STAC2: variants seen among roughly 807,000 people sequenced by gnomAD.
STAC2 encodes the protein SH3 and cysteine-rich domain-containing protein 2.
STAC2 carries 36 observed loss-of-function variants against 49.0 expected under a neutral mutation model. The observed-to-expected ratio is 0.74, with a 90% CI of 0.56 to 0.97. STAC2 has a LOEUF of 0.97. Among genes scored for constraint, STAC2 ranks in the 50% least tolerant of loss-of-function variants. STAC2 has a pLI of 0.00. For missense variants in STAC2, 527 were observed against 543.8 expected, an observed-to-expected ratio of 0.97 and a Z score of 0.31; for synonymous variants, 239 against 214.7, an observed-to-expected ratio of 1.11 and a Z score of -0.99.
intron 1 of STAC2, among the ~76,000 whole-genome samples, chr17:39,219,437 CTCCTCTGGTG>C (rs754070720): frequency 7.2e-5 from 11 of 152,216 alleles, no homozygotes; most frequent in Non-Finnish European, 1.6e-4. Context: ...GACCCACTCC[CTCCTCTGGTG>C]TCCACTGCAT....
chr17:39,225,545 A>G lies in STAC2; in HGVS notation c.-43T>C, dbSNP rs1369406148. The G allele has an allele frequency of 1.9e-6, 3 of 1,585,988 alleles. No homozygotes were observed. Among genetic ancestry groups the G allele is most frequent in the Non-Finnish European group, 2.6e-6 (3 of 1,161,340 alleles). On this transcript the variant is annotated 5_prime_UTR_variant, in exon 1 of 11. Transcript: ENST00000333461. This position sits in a 1 kb window ranked among gnomAD's most constrained non-coding sequence, Gnocchi z 8.2. ...GGAGAGGGTGCCGAGATCCGACGGCAGGCCCACCGCGGGCAGGCTGCGGGT... is the reference window on the plus strand; with the variant it reads ...GGAGAGGGTGCCGAGATCCGACGGCGGGCCCACCGCGGGCAGGCTGCGGGT...
At position 39,212,138 on chromosome 17, in the gene STAC2, A is replaced by C. The variant is rs1597729510; in HGVS notation, c.*154T>G. On this transcript the variant is annotated 3_prime_UTR_variant, in exon 11 of 11. Coordinates refer to ENST00000333461, the MANE Select transcript of STAC2 (RefSeq NM_198993.5). Reference sequence around the variant, plus strand: ...CCACCCAAGAAATAAAATCTTCCCCAGTACAAAAGGCTCCTAAGCCACGGT... The same window carrying C: ...CCACCCAAGAAATAAAATCTTCCCCCGTACAAAAGGCTCCTAAGCCACGGT... 1 of 233,238 alleles carries C rather than the reference A, an allele frequency of 4.3e-6. No homozygotes were observed. Among genetic ancestry groups the C allele is most frequent in the Non-Finnish European group, 8.3e-6 (1 of 120,128 alleles). The allele number at this position is 233,238 out of a possible 1,614,324, so 14.4% of individuals were successfully genotyped here. A position where few individuals can be genotyped will look rare whatever the true frequency, so the allele number is the denominator to read the frequency against.
At chr17:39,222,972 G>T (rs775692734) in intron 1 of STAC2, among the ~76,000 whole-genome samples, 7 of 152,204 alleles carry the variant, frequency 4.6e-5, no homozygotes, top group Non-Finnish European at 8.8e-5. Context: ...TGGCAACAAA[G>T]GGTGATGGGC....
rs16547 is a variant in STAC2, at chr17:39,212,322, C to T, written c.1206G>A (p.Leu402=). 6.3e-3 allele frequency: 10,082 copies of T among 1,612,030 alleles called. 472 individuals carry two copies. In the African/African-American group the frequency reaches 0.11, roughly 17 times the overall value. The change falls in exon 11 of 11, where the codon CTG becomes CTA. Residue 402 remains leucine (L), a synonymous_variant. Transcript: ENST00000333461. The part of the protein sequence containing the change: ...IRVSSGKKRG[L]VPVDALTEI ...TCTCAGTCAGGGCGTCGACTGGCAC[C>T]AGGCCCCGCTTCTTGCCACTGCTGA...
rs898460801 is a variant in STAC2, at chr17:39,210,647, G to C, written c.*1645C>G. ...TTGGGCCCGCCCCTGGGATATTGCT[G>C]GGGGGGGGGGCCTCATGGCAGCAAA... On this transcript the variant is annotated 3_prime_UTR_variant, in exon 11 of 11. Transcript: ENST00000333461. 1.6e-5 allele frequency: 1 copy of C among 62,364 alleles called. No individual in the cohort carries two copies. Among genetic ancestry groups the C allele is most frequent in the Non-Finnish European group, 4.1e-5 (1 of 24,236 alleles). 3.9% of individuals were successfully genotyped at this position (62,364 alleles called of 1,614,324 possible).
intron 1 of STAC2, among the ~76,000 whole-genome samples, chr17:39,219,589 A>G (rs2046441701): frequency 6.6e-6 from 1 of 152,104 alleles, no homozygotes; most frequent in South Asian, 2.1e-4. Flanking sequence ...CTCTCAACAC[A>G]TAGTAGGTGC....
In STAC2 at chr17:39,225,070, G is replaced by T. The variant is rs1329216750; in HGVS notation, c.90+343C>A. On this transcript the variant is annotated intron_variant, in intron 1 of 10. Coordinates refer to ENST00000333461, the MANE Select transcript of STAC2 (RefSeq NM_198993.5). This position sits in a 1 kb window ranked among gnomAD's most constrained non-coding sequence, Gnocchi z 8.2. Reference sequence around the variant, plus strand: ...AGCCCGGGACTGGGACCCGGCGGCCGCTGGAGGGTGCGCCTCGCACGCACA... The same window carrying T: ...AGCCCGGGACTGGGACCCGGCGGCCTCTGGAGGGTGCGCCTCGCACGCACA... Among the ~76,000 whole-genome samples, 1 of 152,076 alleles carries T rather than the reference G, an allele frequency of 6.6e-6. No individual in the cohort carries two copies. Among genetic ancestry groups the T allele is most frequent in the Non-Finnish European group, 1.5e-5 (1 of 67,992 alleles).
chr17:39,214,978 T>A lies in STAC2; in HGVS notation c.745A>T (p.Ser249Cys). 6.2e-7 allele frequency: 1 copy of A among 1,614,082 alleles called. No homozygotes were observed. Among genetic ancestry groups the A allele is most frequent in the South Asian group, 1.1e-5 (1 of 91,078 alleles). ...CTGTCACCAGGCCCCTCCTCAGAGC[T>A]GCGGATGCTGCCTTCCCCATCCTCG... is the stretch of plus-strand genomic sequence containing the variant. The part of the protein sequence containing the change: ...LTEDGEGSIR[S>C]SEEGPGDSAS... Residue 249 changes from serine to cysteine, a missense_variant, in exon 6 of 11, where the codon AGC becomes TGC. Transcript: ENST00000333461.
intron 9 of STAC2, 97 bp downstream of exon 9, chr17:39,213,410 T>C (rs2046371999): frequency 6.8e-7 from 1 of 1,468,264 alleles, no homozygotes; most frequent in South Asian, 1.2e-5. Flanking sequence ...GAGGTTGTCT[T>C]TGGGGCCTGG....
chr17:39,213,050 C>T lies in STAC2; in HGVS notation c.1076G>A (p.Cys359Tyr). ...VRPGENVWRCCQPFSGNKEQG... is the reference protein window; with the variant it reads ...VRPGENVWRCYQPFSGNKEQG... ...TTCCTTGTTCCCGGAGAAGGGTTGG[C>T]AGCAGCGCCAAACATTCTCGCCTGG... Residue 359 changes from cysteine (C) to tyrosine (Y), a missense_variant, in exon 10 of 11, where the codon TGC (cysteine) becomes TAC (tyrosine). Physicochemically the swap from Cys to Tyr is radical, Grantham distance 194 (BLOSUM62 -2). Transcript: ENST00000333461. 1 of 1,613,916 alleles carries T rather than the reference C, an allele frequency of 6.2e-7. No homozygotes were observed. Among genetic ancestry groups the T allele is most frequent in the Non-Finnish European group, 8.5e-7 (1 of 1,180,050 alleles).
intron 1 of STAC2, among the ~76,000 whole-genome samples, chr17:39,219,139 C>T (rs1056364814): frequency 9.2e-5 from 14 of 152,164 alleles, no homozygotes; most frequent in Non-Finnish European, 1.2e-4. Context: ...TTCCTAGCTC[C>T]TCGGGACACC....
chr17:39,217,233 G>A (rs1034360742), intron 2 of STAC2, 60 bp from the exon 3 acceptor site: 44 of 1,525,348 alleles, frequency 2.9e-5, no homozygotes, highest in Non-Finnish European at 3.7e-5. Context: ...GCAAAGGAGG[G>A]GCACATTAGG....
At chr17:39,216,206 T>C (rs551126051) in intron 4 of STAC2, among the ~76,000 whole-genome samples, 2 of 151,390 alleles carry the variant, frequency 1.3e-5, no homozygotes, top group South Asian at 4.2e-4. Flanking sequence ...GGACTCCAAC[T>C]CCTGGGCTCA....
At chr17:39,216,169 A>G (rs1456095877) in intron 4 of STAC2, among the ~76,000 whole-genome samples, 5 of 151,784 alleles carry the variant, frequency 3.3e-5, no homozygotes, top group African/African-American at 2.4e-5. Flanking sequence ...TAATTTAGAG[A>G]TAGGGTCTCA....
intron 7 of STAC2, 86 bp downstream of exon 7, chr17:39,214,705 T>A: frequency 6.8e-7 from 1 of 1,474,872 alleles, no homozygotes; most frequent in Non-Finnish European, 9.3e-7. Context: ...CGCACCATGC[T>A]CTTGCCCCCC....
chr17:39,217,236 A>G, intron 2 of STAC2, 63 bp from the exon 3 acceptor site: 1 of 1,517,044 alleles, frequency 6.6e-7, no homozygotes, highest in Non-Finnish European at 9.1e-7. Flanking sequence ...AAGGAGGGGC[A>G]CATTAGGGGA....
Position 39,225,570 on chromosome 17 carries a change from T to A in STAC2, c.-68A>T. On this transcript the variant is annotated 5_prime_UTR_variant, in exon 1 of 11. Transcript: ENST00000333461. This position sits in a 1 kb window ranked among gnomAD's most constrained non-coding sequence, Gnocchi z 8.2. ...AGGCCCACCGCGGGCAGGCTGCGGG[T>A]GGCGGGCGTCTCCGGGACTCTGAAG... 6.8e-7 allele frequency: 1 copy of A among 1,478,768 alleles called. No homozygotes were observed. Among genetic ancestry groups the A allele is most frequent in the Non-Finnish European group, 9.3e-7 (1 of 1,070,908 alleles). 91.6% of individuals were successfully genotyped at this position (1,478,768 alleles called of 1,614,324 possible). A position where few individuals can be genotyped will look rare whatever the true frequency, so the allele number is the denominator to read the frequency against.
At position 39,223,255 on chromosome 17, in the gene STAC2, C is replaced by T. The variant is rs77456159; in HGVS notation, c.90+2158G>A. Reference sequence around the variant, plus strand: ...TCCATCTCCACCCACAGTCTGGAGACAGGAGCTTCTTTGGGCCAGGTTGAG... The same window carrying T: ...TCCATCTCCACCCACAGTCTGGAGATAGGAGCTTCTTTGGGCCAGGTTGAG... On this transcript the variant is annotated intron_variant, in intron 1 of 10. Transcript: ENST00000333461. Among the ~76,000 whole-genome samples, 1,307 of 152,316 alleles carry T rather than the reference C, an allele frequency of 8.6e-3. 26 individuals carry two copies. Among genetic ancestry groups the T allele is most frequent in the African/African-American group, 0.03 (1,243 of 41,564 alleles).
intron 1 of STAC2, among the ~76,000 whole-genome samples, chr17:39,219,949 G>C (rs925189043): frequency 4.6e-5 from 7 of 152,184 alleles, no homozygotes; most frequent in African/African-American, 1.7e-4. Context: ...CCTGCCAAGG[G>C]GATGGAAGTG....
Sources: gnomAD v4.1 joint callset for allele counts (sites outside exome capture counted in the v4.1 genomes callset) on GRCh38, gnomAD v4.1.1 for gene constraint, Gnocchi (gnomAD v3.1) non-coding constraint, MANE v1.5 for transcripts, NCBI Gene and HGNC (gene_info 2026-07-23, HGNC 2026-07-21) for gene names.